Variants in DAB2IP observed in about 807,000 individuals in gnomAD.
DAB2IP encodes disabled homolog 2-interacting protein.
Under a neutral mutation model 107.2 loss-of-function variants are expected in DAB2IP, and 28 were observed. The observed-to-expected ratio is 0.26, with a 90% CI of 0.19 to 0.36. The LOEUF is 0.36. DAB2IP is among the 10% of genes least tolerant of loss of function. DAB2IP has a pLI of 1.00. For missense variants in DAB2IP, 1,400 were observed against 1,644.7 expected, an observed-to-expected ratio of 0.85 and a Z score of 2.57; for synonymous variants, 755 against 706.4, an observed-to-expected ratio of 1.07 and a Z score of -1.09.
Position 121,772,978 on chromosome 9 carries a change from C to T in DAB2IP, c.2450C>T (p.Pro817Leu). Residue 817 changes from proline to leucine, a missense_variant, in exon 12 of 16, where the codon CCA becomes CTA. Pro to Leu is a moderately conservative substitution (Grantham distance 98, BLOSUM62 -3). This residue lies in a region of DAB2IP where 600 missense variants were observed against 659.1 expected (regional missense o/e 0.91). Transcript: ENST00000408936. This position sits in a 1 kb window ranked among gnomAD's most constrained non-coding sequence, Gnocchi z 4.7. ...ACACCAGGCACCTCCGAGGGCGCGC[C>T]AGGCCGGCCCCAGCTGTTGGCACCG... is the stretch of plus-strand genomic sequence containing the variant. 6.2e-7 allele frequency: 1 copy of T among 1,603,090 alleles called. No individual in the cohort carries two copies. The highest frequency in any genetic ancestry group is 8.5e-7 in the Non-Finnish European group (1 of 1,175,312).
chr9:121,716,436 C>T (rs1252839574), intron 3 of DAB2IP, among the ~76,000 whole-genome samples: 5 of 152,198 alleles, frequency 3.3e-5, no homozygotes, highest in Non-Finnish European at 5.9e-5. Flanking sequence ...CTGTCCCTTG[C>T]GAAATATAAA....
At chr9:121,686,111 G>A (rs1828864832) in intron 2 of DAB2IP, among the ~76,000 whole-genome samples, 1 of 152,186 alleles carries the variant, frequency 6.6e-6, no homozygotes, top group African/African-American at 2.4e-5. Flanking sequence ...ACCAAGACTG[G>A]GTGGGGATCC....
chr9:121,582,445 C>G (rs1044972227), intron 1 of DAB2IP, among the ~76,000 whole-genome samples: 1 of 152,086 alleles, frequency 6.6e-6, no homozygotes, highest in African/African-American at 2.4e-5. Context: ...AGGGAAGCCC[C>G]ATTTTCACTG....
At chr9:121,757,883 G>C (rs1833605538) in intron 4 of DAB2IP, among the ~76,000 whole-genome samples, 1 of 152,224 alleles carries the variant, frequency 6.6e-6, no homozygotes, top group Non-Finnish European at 1.5e-5. Flanking sequence ...TCTTGTAGAG[G>C]AATGAGCCTG....
At chr9:121,719,444 G>A (rs1231888737) in intron 3 of DAB2IP, among the ~76,000 whole-genome samples, 1 of 152,198 alleles carries the variant, frequency 6.6e-6, no homozygotes, top group Non-Finnish European at 1.5e-5. Context: ...AACCCCATGA[G>A]CCTAGTGCTC....
intron 1 of DAB2IP, among the ~76,000 whole-genome samples, chr9:121,619,727 T>C (rs1479374915): frequency 6.6e-6 from 1 of 152,228 alleles, no homozygotes; most frequent in African/African-American, 2.4e-5. Context: ...CCGGGAGCGC[T>C]TGTAAACCAC....
Position 121,585,559 on chromosome 9 carries a change from A to T in DAB2IP, c.40+18331A>T, listed in dbSNP as rs547879978. On this transcript the variant is annotated intron_variant, in intron 1 of 16. Coordinates refer to the DAB2IP transcript ENST00000259371. ...AGGAGAGATGGTAGAAATGGAATAAAAGAGTGCACAAGATTGGCTGGGCGC... is the reference window on the plus strand; with the variant it reads ...AGGAGAGATGGTAGAAATGGAATAATAGAGTGCACAAGATTGGCTGGGCGC... Among the ~76,000 whole-genome samples the T allele has an allele frequency of 3.3e-5, 5 of 152,302 alleles. No homozygotes were observed. The East Asian group carries it at 9.7e-4, about 29-fold the overall frequency.
chr9:121,735,757 C>T (rs1170357355), intron 3 of DAB2IP, among the ~76,000 whole-genome samples: 1 of 152,172 alleles, frequency 6.6e-6, no homozygotes, highest in Non-Finnish European at 1.5e-5. Flanking sequence ...ATTGCGGTGG[C>T]TTCTCTGGTG....
chr9:121,763,910 G>C, intron 8 of DAB2IP, 31 bp downstream of exon 8: 1 of 1,608,288 alleles, frequency 6.2e-7, no homozygotes, highest in Non-Finnish European at 8.5e-7. Flanking sequence ...TCCCCACCCT[G>C]TCGCCTTCCC....
At chr9:121,768,349 G>A (rs1004554652) in intron 9 of DAB2IP, 83 bp from the exon 10 acceptor site, 46 of 1,422,624 alleles carry the variant, frequency 3.2e-5, no homozygotes, top group Middle Eastern at 1.9e-4. Context: ...TGGGGAAAGC[G>A]GGTGGTGGTG....
chr9:121,693,741 G>C (rs991619994), intron 2 of DAB2IP, among the ~76,000 whole-genome samples: 8 of 152,248 alleles, frequency 5.3e-5, no homozygotes, highest in African/African-American at 1.9e-4. Context: ...CTGTTGAAAG[G>C]GGAGAGGGTG....
intron 1 of DAB2IP, among the ~76,000 whole-genome samples, chr9:121,578,648 C>T (rs1223496991): frequency 6.7e-6 from 1 of 149,766 alleles, no homozygotes; most frequent in African/African-American, 2.4e-5. Context: ...CCTTGCTGGC[C>T]CTTTCTCCGG....
intron 3 of DAB2IP, chr9:121,750,984 T>G (rs2118933471): frequency 6.0e-6 from 1 of 166,788 alleles, no homozygotes; most frequent in East Asian, 1.9e-4. Flanking sequence ...TCCTGGGCCC[T>G]GGGCAGGGGC....
At chr9:121,584,364 C>T (rs189644826) in intron 1 of DAB2IP, among the ~76,000 whole-genome samples, 20 of 151,742 alleles carry the variant, frequency 1.3e-4, no homozygotes, top group Middle Eastern at 3.4e-3. Context: ...AATGTGATCA[C>T]GCCACTGCAC....
intron 9 of DAB2IP, among the ~76,000 whole-genome samples, chr9:121,767,753 A>G (rs1488508707): frequency 6.6e-6 from 1 of 152,166 alleles, no homozygotes; most frequent in Admixed American, 6.5e-5. Context: ...GGAGACGTGA[A>G]AGGAGAGCAT....
chr9:121,733,175 C>T lies in DAB2IP; in HGVS notation c.363-23838C>T, dbSNP rs1198404288. Among the ~76,000 whole-genome samples the T allele has an allele frequency of 4.6e-5, 7 of 152,220 alleles. No individual in the cohort carries two copies. In the East Asian group the frequency reaches 1.3e-3, roughly 29 times the overall value. On this transcript the variant is annotated intron_variant, in intron 3 of 15. Transcript: ENST00000408936. ...CTGGGCTGACTTTGCTACAGGGCATCCGTCTCTGGCCCTGTACCTGTTTCT... is the reference window on the plus strand; with the variant it reads ...CTGGGCTGACTTTGCTACAGGGCATTCGTCTCTGGCCCTGTACCTGTTTCT...
chr9:121,574,727 A>G (rs1830017908), intron 1 of DAB2IP, among the ~76,000 whole-genome samples: 1 of 151,642 alleles, frequency 6.6e-6, no homozygotes, highest in Admixed American at 6.6e-5. Context: ...TGCTCCCACC[A>G]CCCCACTGGG....
intron 1 of DAB2IP, among the ~76,000 whole-genome samples, chr9:121,579,683 G>A (rs1239404091): frequency 6.6e-6 from 1 of 152,126 alleles, no homozygotes; most frequent in African/African-American, 2.4e-5. Context: ...TTATGGCCTT[G>A]TCCATCGATC....
chr9:121,583,247 A>T (rs923078771), intron 1 of DAB2IP, among the ~76,000 whole-genome samples: 1 of 152,108 alleles, frequency 6.6e-6, no homozygotes, highest in Admixed American at 6.5e-5. Flanking sequence ...AAATTAGTCG[A>T]GCGTGGTGGC....
Sources: gnomAD v4.1 joint callset for allele counts (sites outside exome capture counted in the v4.1 genomes callset) on GRCh38, gnomAD v4.1.1 for gene constraint, gnomAD v4.1.1 regional missense constraint, Gnocchi (gnomAD v3.1) non-coding constraint, MANE v1.5 for transcripts, NCBI Gene and HGNC (gene_info 2026-07-23, HGNC 2026-07-21) for gene names.